Variants in AP3B1 observed in about 807,000 individuals in gnomAD.
The protein encoded by AP3B1 is AP-3 complex subunit beta-1.
AP3B1 carries 61 observed loss-of-function variants against 132.5 expected under a neutral mutation model. That is an observed-to-expected ratio of 0.46 (90% CI 0.37 to 0.57). AP3B1 has a LOEUF of 0.57. Among genes scored for constraint, AP3B1 ranks in the 20% least tolerant of loss-of-function variants. AP3B1 has a pLI of 0.00. For missense variants in AP3B1, 1,120 were observed against 1,289.4 expected, an observed-to-expected ratio of 0.87 and a Z score of 2.01; for synonymous variants, 388 against 438.3, an observed-to-expected ratio of 0.89 and a Z score of 1.43.
At chr5:78,098,700 A>G (rs150313657) in intron 21 of AP3B1, among the ~76,000 whole-genome samples, 257 of 152,332 alleles carry the variant, frequency 1.7e-3, no homozygotes, top group Non-Finnish European at 2.7e-3. Context: ...AAATTTTTGT[A>G]TATGCCCTTA....
intron 1 of AP3B1, among the ~76,000 whole-genome samples, chr5:78,289,656 T>C (rs1187529503): frequency 6.6e-6 from 1 of 152,216 alleles, no homozygotes; most frequent in African/African-American, 2.4e-5. Context: ...GAACATTTCC[T>C]TCTTTTAATT....
At chr5:78,183,525 A>T (rs1216262753) in intron 7 of AP3B1, among the ~76,000 whole-genome samples, 1 of 152,194 alleles carries the variant, frequency 6.6e-6, no homozygotes, top group African/African-American at 2.4e-5. Flanking sequence ...TCGATGAGCA[A>T]TTGAGAACAT....
In AP3B1 at chr5:78,034,410, T is replaced by C. The variant is rs754568955; in HGVS notation, c.2845A>G (p.Met949Val). The C allele has an allele frequency of 9.9e-6, 16 of 1,612,112 alleles. No homozygotes were observed. The highest frequency in any genetic ancestry group is 8.0e-5 in the African/African-American group (6 of 74,944). ...GTAGAATCACAAAAGTCAATACCCA[T>C]TGAAACTGTAATGGATCCCTCAGGC... The part of the protein sequence containing the change: ...LEPEGSITVS[M>V]GIDFCDSTQT... Residue 949 changes from methionine to valine, a missense_variant, in exon 24 of 27, where the codon ATG becomes GTG. This residue lies in a region of AP3B1 where 906 missense variants were observed against 997.1 expected (regional missense o/e 0.91). Coordinates refer to ENST00000255194, the MANE Select transcript of AP3B1 (RefSeq NM_003664.5).
intron 1 of AP3B1, among the ~76,000 whole-genome samples, chr5:78,280,556 T>C (rs1423727019): frequency 6.6e-6 from 1 of 152,196 alleles, no homozygotes; most frequent in Non-Finnish European, 1.5e-5. Flanking sequence ...GCATCAAGTT[T>C]GAGTATTAGT....
At chr5:78,125,995 G>T (rs997432177) in intron 17 of AP3B1, among the ~76,000 whole-genome samples, 1 of 151,794 alleles carries the variant, frequency 6.6e-6, no homozygotes, top group Non-Finnish European at 1.5e-5. Flanking sequence ...CTTTTTGGTG[G>T]GTGGGGGCAG....
chr5:78,176,350 A>T (rs1228464362), intron 9 of AP3B1, among the ~76,000 whole-genome samples: 3 of 152,172 alleles, frequency 2.0e-5, no homozygotes, highest in African/African-American at 7.2e-5. Context: ...TAGGAAAAAA[A>T]AAAAAAGTAT....
intron 17 of AP3B1, among the ~76,000 whole-genome samples, chr5:78,124,884 C>A (rs1367989493): frequency 1.3e-5 from 2 of 152,138 alleles, no homozygotes; most frequent in Non-Finnish European, 2.9e-5. Flanking sequence ...GAAAACCAGA[C>A]TTCTATGCTC....
intron 16 of AP3B1, among the ~76,000 whole-genome samples, 186 bp downstream of exon 16, chr5:78,128,935 T>C (rs774804515): frequency 1.7e-4 from 26 of 152,068 alleles, no homozygotes; most frequent in Non-Finnish European, 2.6e-4. Flanking sequence ...TACAAAAATA[T>C]AAACTTTAAT....
chr5:78,221,251 C>A (rs1746166756), intron 6 of AP3B1, among the ~76,000 whole-genome samples: 1 of 152,034 alleles, frequency 6.6e-6, no homozygotes, highest in African/African-American at 2.4e-5. Flanking sequence ...ATCAAATCAC[C>A]AATCCTGTCC....
intron 23 of AP3B1, among the ~76,000 whole-genome samples, chr5:78,037,922 C>T (rs947066093): frequency 1.3e-5 from 2 of 152,154 alleles, no homozygotes; most frequent in African/African-American, 4.8e-5. Flanking sequence ...AAATATTACA[C>T]TATTTCAAAT....
chr5:78,114,860 C>T (rs760688844), intron 18 of AP3B1, among the ~76,000 whole-genome samples: 4 of 152,174 alleles, frequency 2.6e-5, no homozygotes, highest in African/African-American at 7.2e-5. Flanking sequence ...AGTTAGTGTT[C>T]GGATTCAGAT....
At chr5:78,101,343 T>C in intron 20 of AP3B1, 1 of 457,742 alleles carries the variant, frequency 2.2e-6, no homozygotes, top group South Asian at 1.6e-5. Context: ...GGCTCTTTGG[T>C]AGAAAGTCCA....
At chr5:78,184,184 A>G (rs1744499399) in intron 7 of AP3B1, among the ~76,000 whole-genome samples, 2 of 151,734 alleles carry the variant, frequency 1.3e-5, no homozygotes, top group South Asian at 4.2e-4. Context: ...AAAAAAAATT[A>G]TAAAGTTTAA....
intron 11 of AP3B1, among the ~76,000 whole-genome samples, chr5:78,166,172 C>A (rs988751933): frequency 7.7e-6 from 1 of 130,116 alleles, no homozygotes; most frequent in African/African-American, 3.0e-5. Context: ...CACACACACA[C>A]AAATCATATT....
chr5:78,181,539 T>C lies in AP3B1; in HGVS notation c.910A>G (p.Thr304Ala), dbSNP rs1475565093. The C allele has an allele frequency of 6.2e-7, 1 of 1,613,210 alleles. No homozygotes were observed. The highest frequency in any genetic ancestry group is 2.2e-5 in the East Asian group (1 of 44,770). Residue 304 changes from threonine (T) to alanine (A), a missense_variant, in exon 8 of 27, where the codon ACA (threonine) becomes GCA (alanine). Physicochemically the swap from Thr to Ala is moderately conservative, Grantham distance 58 (BLOSUM62 0). This residue lies in a region of AP3B1 where 906 missense variants were observed against 997.1 expected (regional missense o/e 0.91). Coordinates refer to ENST00000255194, the MANE Select transcript of AP3B1 (RefSeq NM_003664.5). ...DPDHRLLIRNTKPLLQSRNAA... is the reference protein window; with the variant it reads ...DPDHRLLIRNAKPLLQSRNAA... ...TTCCTGCTCTGAAGCAAAGGCTTTG[T>C]ATTTCTAATTAAGAGTCTATGATCT...
chr5:78,118,240 T>C (rs1751951627), intron 17 of AP3B1, among the ~76,000 whole-genome samples: 1 of 152,140 alleles, frequency 6.6e-6, no homozygotes, highest in South Asian at 2.1e-4. Context: ...AGCTCCGGTC[T>C]ACAGCTCCCA....
intron 6 of AP3B1, among the ~76,000 whole-genome samples, chr5:78,221,819 AT>A (rs997722484): frequency 4.6e-5 from 7 of 152,140 alleles, no homozygotes; most frequent in Admixed American, 4.6e-4. Flanking sequence ...CTGAATCTAC[AT>A]TTTGAAAGGA....
intron 22 of AP3B1, among the ~76,000 whole-genome samples, chr5:78,071,415 C>A (rs767686602): frequency 6.6e-6 from 1 of 151,860 alleles, no homozygotes. Context: ...TCAGGGGGCA[C>A]GGGAGGAGGG....
rs867113681 is a variant in AP3B1, at chr5:78,096,764, C to T, written c.2470+4189G>A. 3.3e-5 allele frequency among the ~76,000 whole-genome samples: 5 copies of T among 150,914 alleles called. 1 individual carries two copies. The South Asian group carries it at 1.0e-3, about 32-fold the overall frequency. On this transcript the variant is annotated intron_variant, in intron 21 of 26. Coordinates refer to ENST00000255194, the MANE Select transcript of AP3B1 (RefSeq NM_003664.5). ...TGCCCCGTCTGAGAAGTGAGGAGCCCCTCCGCCCGGCAGCCGCCCCGTCTG... is the reference window on the plus strand; with the variant it reads ...TGCCCCGTCTGAGAAGTGAGGAGCCTCTCCGCCCGGCAGCCGCCCCGTCTG...
Sources: allele counts gnomAD v4.1 joint callset (sites outside exome capture counted in the v4.1 genomes callset), GRCh38; gene constraint gnomAD v4.1.1; regional missense constraint gnomAD v4.1.1; transcripts MANE v1.5; gene names NCBI Gene and HGNC (gene_info 2026-07-23, HGNC 2026-07-21).